Variants in RB1 observed in about 807,000 individuals in gnomAD.
RB1 encodes the protein RB transcriptional corepressor 1, also known as retinoblastoma-associated protein.
Under a neutral mutation model 135.4 loss-of-function variants are expected in RB1, and 18 were observed. The observed-to-expected ratio is 0.13, with a 90% CI of 0.09 to 0.20. RB1 has a LOEUF of 0.20. Ranked by LOEUF, RB1 falls within the 10% of genes least tolerant of loss-of-function variation. The pLI is 1.00. For missense variants in RB1, 868 were observed against 1,110.0 expected (o/e 0.78, Z 3.10); for synonymous variants, 365 against 373.2 (o/e 0.98, Z 0.25).
At chr13:48,388,567 GAA>G (rs1948587825) in intron 17 of RB1, among the ~76,000 whole-genome samples, 1 of 152,116 alleles carries the variant, frequency 6.6e-6, no homozygotes, top group African/African-American at 2.4e-5. Context: ...TGAATGCTTA[GAA>G]AAGTTTAATA....
At position 48,420,384 on chromosome 13, in the gene RB1, T is replaced by A. The variant is rs945399295; in HGVS notation, c.1696-32609T>A. Among the ~76,000 whole-genome samples, 4 of 152,156 alleles carry A rather than the reference T, an allele frequency of 2.6e-5. No homozygotes were observed. The South Asian group carries it at 8.3e-4, about 31-fold the overall frequency. ...ATAAACTTCATATTGATGGAATGTA[T>A]CTCAAAATAATAAGAGCTATTTATG... On this transcript the variant is annotated intron_variant, in intron 17 of 26. Coordinates refer to ENST00000267163, the MANE Select transcript of RB1 (RefSeq NM_000321.3).
At chr13:48,460,971 T>A (rs1949401265) in intron 20 of RB1, among the ~76,000 whole-genome samples, 2 of 152,032 alleles carry the variant, frequency 1.3e-5, no homozygotes, top group African/African-American at 4.8e-5. Flanking sequence ...CAAAAAAATT[T>A]TGTTAATTAA....
intron 17 of RB1, among the ~76,000 whole-genome samples, chr13:48,422,002 C>T (rs1949013071): frequency 1.3e-5 from 2 of 152,124 alleles, no homozygotes; most frequent in African/African-American, 2.4e-5. Context: ...TTTGACCCAG[C>T]AAGCCCATTA....
chr13:48,315,427 A>G (rs1952173576), intron 2 of RB1, among the ~76,000 whole-genome samples: 1 of 152,122 alleles, frequency 6.6e-6, no homozygotes, highest in African/African-American at 2.4e-5. Flanking sequence ...TTTTGATCAG[A>G]GACTATGGGA....
chr13:48,420,574 G>A (rs955429931), intron 17 of RB1, among the ~76,000 whole-genome samples: 1 of 152,102 alleles, frequency 6.6e-6, no homozygotes, highest in African/African-American at 2.4e-5. Flanking sequence ...GCGTATTCAA[G>A]TAGGAAGAGA....
intron 17 of RB1, among the ~76,000 whole-genome samples, chr13:48,421,287 A>G (rs1298150459): frequency 2.6e-5 from 4 of 152,106 alleles, no homozygotes; most frequent in Non-Finnish European, 5.9e-5. Flanking sequence ...CGTTTAATAA[A>G]TGGTGTTGGG....
intron 17 of RB1, among the ~76,000 whole-genome samples, chr13:48,407,476 T>A (rs978367811): frequency 1.3e-5 from 2 of 152,186 alleles, no homozygotes; most frequent in African/African-American, 4.8e-5. Context: ...CTTGTTTAAT[T>A]GACATTCTTT....
At chr13:48,393,663 G>A (rs938718702) in intron 17 of RB1, among the ~76,000 whole-genome samples, 1 of 152,034 alleles carries the variant, frequency 6.6e-6, no homozygotes, top group East Asian at 1.9e-4. Flanking sequence ...TATCATTTCC[G>A]CTTCCTTGTG....
rs1383779403 is a variant in RB1, at chr13:48,318,654, C to G, written c.264+11248C>G. 5 of 609,716 alleles carry G rather than the reference C, an allele frequency of 8.2e-6. No individual in the cohort carries two copies. In the African/African-American group the frequency reaches 9.3e-5, roughly 11 times the overall value. 37.8% of individuals were successfully genotyped at this position (609,716 alleles called of 1,614,324 possible). On this transcript the variant is annotated intron_variant, in intron 2 of 26. Coordinates refer to ENST00000267163, the MANE Select transcript of RB1 (RefSeq NM_000321.3). ...CTGGCCACCATCTTTCACCACCTCCCGCGTTTTCTTGGGCGTGGACGGCCT... is the reference window on the plus strand; with the variant it reads ...CTGGCCACCATCTTTCACCACCTCCGGCGTTTTCTTGGGCGTGGACGGCCT...
At chr13:48,364,810 A>G (rs147804182) in intron 8 of RB1, 84 bp from the exon 9 acceptor site, 17 of 1,464,580 alleles carry the variant, frequency 1.2e-5, no homozygotes, top group South Asian at 1.3e-5. Flanking sequence ...TGACACCTCT[A>G]ACTTACCCTG....
At chr13:48,318,102 C>T (rs1203372653) in intron 2 of RB1, 9 of 532,336 alleles carry the variant, frequency 1.7e-5, no homozygotes, top group Non-Finnish European at 3.1e-5. Context: ...GGCGCATCCC[C>T]TCACTCGGAA....
At chr13:48,452,255 T>C (rs759780702) in intron 17 of RB1, among the ~76,000 whole-genome samples, 19 of 152,084 alleles carry the variant, frequency 1.2e-4, no homozygotes, top group Admixed American at 3.9e-4. Flanking sequence ...AGGAAGAAAA[T>C]CTGAGTAAAA....
At position 48,317,660 on chromosome 13, in the gene RB1, T is replaced by C. The variant is rs1593420525; in HGVS notation, c.264+10254T>C. On this transcript the variant is annotated intron_variant, in intron 2 of 26. Coordinates refer to ENST00000267163, the MANE Select transcript of RB1 (RefSeq NM_000321.3). ...GCTGAGAGCCCCTTGGCGGAGACACTGCCACTGGTGCTCCTGGGCGGTGCC... is the reference window on the plus strand; with the variant it reads ...GCTGAGAGCCCCTTGGCGGAGACACCGCCACTGGTGCTCCTGGGCGGTGCC... 5.9e-6 allele frequency: 3 copies of C among 507,964 alleles called. No individual in the cohort carries two copies. The East Asian group carries it at 2.0e-4, about 34-fold the overall frequency. 31.5% of individuals were successfully genotyped at this position (507,964 alleles called of 1,614,324 possible).
rs577126991 is a variant in RB1, at chr13:48,455,303, C to T, written c.1815-901C>T. On this transcript the variant is annotated intron_variant, in intron 18 of 26. Coordinates refer to ENST00000267163, the MANE Select transcript of RB1 (RefSeq NM_000321.3). ...CTTTGTTCTTATTAAGTCTGAGATT[C>T]GAGTAGTTATATCCGGTAGGTAATT... Among the ~76,000 whole-genome samples, 8 of 152,174 alleles carry T rather than the reference C, an allele frequency of 5.3e-5. No individual in the cohort carries two copies. The South Asian group carries it at 1.0e-3, about 20-fold the overall frequency.
intron 11 of RB1, among the ~76,000 whole-genome samples, chr13:48,368,997 A>G (rs1407915687): frequency 6.6e-6 from 1 of 151,404 alleles, no homozygotes; most frequent in East Asian, 1.9e-4. Context: ...CAAGAGCGAA[A>G]CTCCGTCTCA....
chr13:48,360,173 G>A, intron 7 of RB1, 46 bp downstream of exon 7: 1 of 1,607,644 alleles, frequency 6.2e-7, no homozygotes, highest in Non-Finnish European at 8.5e-7. Context: ...TTCAGCAGTT[G>A]CTTATTGAAT....
At chr13:48,305,296 A>C (rs906923183) in intron 1 of RB1, among the ~76,000 whole-genome samples, 1 of 152,216 alleles carries the variant, frequency 6.6e-6, no homozygotes, top group African/African-American at 2.4e-5. Context: ...AAGGCTATTA[A>C]AAATTTATAT....
At position 48,376,901 on chromosome 13, in the gene RB1, G is replaced by T. The variant is rs752628517; in HGVS notation, c.1216-17G>T. 12 of 1,612,978 alleles carry T rather than the reference G, an allele frequency of 7.4e-6. No homozygotes were observed. In the African/African-American group the frequency reaches 1.6e-4, roughly 22 times the overall value. ...CACAGTATCCTCGACATTGATTTCT[G>T]TTTTTACCTCCTAAAGAACTGCACA... is the stretch of plus-strand genomic sequence containing the variant. On this transcript the variant is annotated splice_polypyrimidine_tract_variant and intron_variant, in intron 12 of 26. Coordinates refer to ENST00000267163, the MANE Select transcript of RB1 (RefSeq NM_000321.3).
Position 48,367,394 on chromosome 13 carries a change from G to A in RB1, c.940-100G>A, listed in dbSNP as rs1952713509. Reference sequence around the variant, plus strand: ...CTCAGTGTATATTACAAAATTAAATGTATATTATACAAAAATTCTTTAATG... The same window carrying A: ...CTCAGTGTATATTACAAAATTAAATATATATTATACAAAAATTCTTTAATG... On this transcript the variant is annotated intron_variant, in intron 9 of 26. Coordinates refer to ENST00000267163, the MANE Select transcript of RB1 (RefSeq NM_000321.3). 3.1e-6 allele frequency: 4 copies of A among 1,280,002 alleles called. No homozygotes were observed. The Admixed American group carries it at 8.9e-5, about 28-fold the overall frequency. The allele number at this position is 1,280,002 out of a possible 1,614,324, so 79.3% of individuals were successfully genotyped here.
Sources: allele counts gnomAD v4.1 joint callset (sites outside exome capture counted in the v4.1 genomes callset), GRCh38; gene constraint gnomAD v4.1.1; transcripts MANE v1.5; gene names NCBI Gene and HGNC (gene_info 2026-07-23, HGNC 2026-07-21).